The following FRMPD4 variants were observed in gnomAD, a reference collection of about 807,000 sequenced individuals.
FRMPD4 encodes the protein FERM and PDZ domain containing 4, also known as FERM and PDZ domain-containing protein 4.
Under a neutral mutation model 94.1 loss-of-function variants are expected in FRMPD4, and 22 were observed. The ratio of observed to expected loss-of-function variants is 0.23; its 90% CI spans 0.17 to 0.33. The LOEUF is 0.33. Among genes scored for constraint, FRMPD4 ranks in the 10% least tolerant of loss-of-function variants. The probability of loss-of-function intolerance (pLI) is 1.00; values close to 1 mark genes in which losing one functional copy is unlikely to be tolerated. For missense variants in FRMPD4, 1,111 were observed against 1,339.9 expected, an observed-to-expected ratio of 0.83 and a Z score of 2.67; for synonymous variants, 631 against 548.6, an observed-to-expected ratio of 1.15 and a Z score of -2.10.
At chrX:12,607,234 C>T (rs779970989) in intron 2 of FRMPD4, among the ~76,000 whole-genome samples, 102 of 111,514 alleles carry the variant, frequency 9.1e-4, no homozygotes, top group Non-Finnish European at 1.5e-3. Flanking sequence ...ATCTCCTGCC[C>T]ACCTGAGTTC....
chrX:12,085,206 C>A (rs2055097521), intron 3 of FRMPD4, among the ~76,000 whole-genome samples: 1 of 111,787 alleles, frequency 8.9e-6, no homozygotes, highest in Non-Finnish European at 1.9e-5. Flanking sequence ...GTGGATCTAC[C>A]ATACGGCAAT....
At chrX:12,546,885 C>T (rs1415714658) in intron 2 of FRMPD4, among the ~76,000 whole-genome samples, 1 of 108,482 alleles carries the variant, frequency 9.2e-6, no homozygotes, top group East Asian at 2.9e-4. Context: ...GGGTGAGTGA[C>T]TCATGCTTGT....
intron 5 of FRMPD4, among the ~76,000 whole-genome samples, chrX:12,679,449 C>T (rs181337950): frequency 2.2e-4 from 25 of 111,413 alleles, no homozygotes; most frequent in Non-Finnish European, 1.3e-4. Flanking sequence ...ATGCCTTTAT[C>T]GGGGGTCAGG....
At chrX:12,204,113 G>A (rs2056662553) in intron 1 of FRMPD4, among the ~76,000 whole-genome samples, 2 of 112,099 alleles carry the variant, frequency 1.8e-5, no homozygotes, top group African/African-American at 6.5e-5. Flanking sequence ...CCCACGTTGT[G>A]CTCTCAGGAG....
chrX:12,510,288 G>A (rs968673639), intron 2 of FRMPD4, among the ~76,000 whole-genome samples: 2 of 112,258 alleles, frequency 1.8e-5, no homozygotes, highest in Non-Finnish European at 3.8e-5. Context: ...AAAACCTAAA[G>A]AAATCTGAAT....
At chrX:11,984,179 G>C (rs1388955137) in intron 3 of FRMPD4, among the ~76,000 whole-genome samples, 1 of 112,133 alleles carries the variant, frequency 8.9e-6, no homozygotes, top group Non-Finnish European at 1.9e-5. Context: ...AAGTTTTCCT[G>C]GGCGTTTTTC....
intron 2 of FRMPD4, among the ~76,000 whole-genome samples, chrX:12,522,212 T>C (rs908050430): frequency 6.3e-5 from 7 of 111,874 alleles, no homozygotes; most frequent in African/African-American, 2.3e-4. Context: ...GTGGCATCTT[T>C]GTGCTAAGTT....
chrX:12,374,589 A>G (rs1335650369), intron 1 of FRMPD4, among the ~76,000 whole-genome samples: 1 of 112,118 alleles, frequency 8.9e-6, no homozygotes, highest in Non-Finnish European at 1.9e-5. Flanking sequence ...AACGAATGCA[A>G]AAGAGTCCGA....
At chrX:12,146,907 C>T (rs1167734982) in intron 1 of FRMPD4, among the ~76,000 whole-genome samples, 1 of 112,025 alleles carries the variant, frequency 8.9e-6, no homozygotes, top group Non-Finnish European at 1.9e-5. Flanking sequence ...AGGTTTCCTG[C>T]ACATCAGTGT....
chrX:12,553,197 A>G (rs2058556300), intron 2 of FRMPD4, among the ~76,000 whole-genome samples: 1 of 110,461 alleles, frequency 9.1e-6, no homozygotes, highest in African/African-American at 3.3e-5. Flanking sequence ...AGAAAGAGAG[A>G]GAGAAAGAAA....
At chrX:12,442,784 T>C (rs988548188) in intron 1 of FRMPD4, among the ~76,000 whole-genome samples, 2 of 111,822 alleles carry the variant, frequency 1.8e-5, no homozygotes, top group African/African-American at 6.5e-5. Flanking sequence ...AGTACATGAA[T>C]GTTTATAGCA....
intron 3 of FRMPD4, among the ~76,000 whole-genome samples, chrX:12,095,510 T>C (rs759943936): frequency 4.5e-5 from 5 of 112,226 alleles, no homozygotes; most frequent in African/African-American, 1.3e-4. Context: ...GCTGTTTTAT[T>C]GATACAATGA....
chrX:12,125,619 A>G (rs2055493074), intron 3 of FRMPD4, among the ~76,000 whole-genome samples: 1 of 110,536 alleles, frequency 9.0e-6, no homozygotes, highest in Non-Finnish European at 1.9e-5. Context: ...TTTCCCAGCT[A>G]TGTTCTGGAA....
intron 3 of FRMPD4, among the ~76,000 whole-genome samples, chrX:12,058,721 A>C: frequency 9.0e-6 from 1 of 111,339 alleles, no homozygotes; most frequent in Non-Finnish European, 1.9e-5. Flanking sequence ...CGACTATTTC[A>C]TTTCACTAAG....
At chrX:11,907,497 G>C (rs1295695910) in intron 3 of FRMPD4, among the ~76,000 whole-genome samples, 1 of 112,031 alleles carries the variant, frequency 8.9e-6, no homozygotes, top group East Asian at 2.8e-4. Context: ...TCCAATGTGA[G>C]GTTGCAAGCA....
chrX:12,675,071 G>A (rs1303531648), intron 5 of FRMPD4, among the ~76,000 whole-genome samples, 163 bp downstream of exon 5: 2 of 112,194 alleles, frequency 1.8e-5, no homozygotes, highest in African/African-American at 6.5e-5. Flanking sequence ...TATACTCCAT[G>A]TTAGCAAAGT....
intron 2 of FRMPD4, among the ~76,000 whole-genome samples, chrX:12,601,044 A>G (rs1190076513): frequency 8.9e-6 from 1 of 112,787 alleles, no homozygotes. Flanking sequence ...ATTAAAAAGA[A>G]GCCTCATTTA....
chrX:12,608,119 A>C (rs2059148384), intron 2 of FRMPD4, among the ~76,000 whole-genome samples: 1 of 112,735 alleles, frequency 8.9e-6, no homozygotes, highest in South Asian at 3.7e-4. Flanking sequence ...ATCTTAGCTT[A>C]CATTACATTA....
intron 1 of FRMPD4, among the ~76,000 whole-genome samples, chrX:12,260,173 C>T (rs914536300): frequency 5.4e-5 from 6 of 111,112 alleles, no homozygotes; most frequent in Non-Finnish European, 7.6e-5. Flanking sequence ...TGACCTCATC[C>T]TTTTGTGGTT....
Sources: gnomAD v4.1 joint callset for allele counts (sites outside exome capture counted in the v4.1 genomes callset) on GRCh38, gnomAD v4.1.1 for gene constraint, MANE v1.5 for transcripts, NCBI Gene and HGNC (gene_info 2026-07-23, HGNC 2026-07-21) for gene names.